Variants in MYO1B observed in about 807,000 individuals in gnomAD.
The protein encoded by MYO1B is myosin IB, also known as unconventional myosin-Ib.
A neutral mutation model predicts 159.7 loss-of-function variants in MYO1B; 72 were observed. That is an observed-to-expected ratio of 0.45 (90% CI 0.37 to 0.55). The LOEUF (loss-of-function observed/expected upper bound fraction) is 0.55, where lower values mean the gene tolerates loss of function less well. Among genes scored for constraint, MYO1B ranks in the 20% least tolerant of loss-of-function variants. The pLI is 0.00. For missense variants in MYO1B, 1,062 were observed against 1,364.8 expected (o/e 0.78, Z 3.50); for synonymous variants, 468 against 473.8 (o/e 0.99, Z 0.16).
At chr2:191,287,780 C>A (rs1688465977) in intron 2 of MYO1B, among the ~76,000 whole-genome samples, 1 of 152,142 alleles carries the variant, frequency 6.6e-6, no homozygotes. Flanking sequence ...TCATCCCCCA[C>A]TGACTTTTCA....
intron 13 of MYO1B, chr2:191,377,620 C>T (rs1308910579): frequency 6.6e-6 from 1 of 152,020 alleles, no homozygotes; most frequent in Non-Finnish European, 1.5e-5. Flanking sequence ...GGAGAGGGGG[C>T]CCAAGTTGAA....
chr2:191,390,510 C>T lies in MYO1B; in HGVS notation c.1982+18C>T. 3 of 1,605,038 alleles carry T rather than the reference C, an allele frequency of 1.9e-6. No individual in the cohort carries two copies. The highest frequency in any genetic ancestry group is 1.7e-4 in the Middle Eastern group (1 of 6,028). On this transcript the variant is annotated intron_variant, in intron 18 of 30. Coordinates refer to ENST00000392318, the MANE Select transcript of MYO1B (RefSeq NM_001130158.3). ...CCAGCCAGGTAAGAAATTCAGTGACCATATTTAATAATGAATGTTTTAAGT... is the reference window on the plus strand; with the variant it reads ...CCAGCCAGGTAAGAAATTCAGTGACTATATTTAATAATGAATGTTTTAAGT...
chr2:191,296,124 G>C lies in MYO1B; in HGVS notation c.149G>C (p.Ser50Thr). ...DHSEIYTYIG[S>T]VVISVNPYRS... is the part of the protein sequence containing the mutation. ...TTTCTTTTGCAGACATACATTGGAA[G>C]TGTGGTTATATCTGTTAACCCATAC... The change falls in exon 3 of 31, where the codon AGT becomes ACT. Residue 50 changes from serine (S) to threonine (T), a missense_variant. Ser to Thr is a moderately conservative substitution (Grantham distance 58). This residue lies in a region of MYO1B where 415 missense variants were observed against 544.0 expected (regional missense o/e 0.76). Coordinates refer to ENST00000392318, the MANE Select transcript of MYO1B (RefSeq NM_001130158.3). The C allele has an allele frequency of 1.3e-6, 2 of 1,586,310 alleles. No homozygotes were observed. The highest frequency in any genetic ancestry group is 1.7e-6 in the Non-Finnish European group (2 of 1,161,750).
intron 30 of MYO1B, among the ~76,000 whole-genome samples, chr2:191,419,610 A>G (rs1697813139): frequency 6.6e-6 from 1 of 152,116 alleles, no homozygotes; most frequent in African/African-American, 2.4e-5. Flanking sequence ...TTAAGGGGGT[A>G]TTTCAGAAGG....
intron 21 of MYO1B, among the ~76,000 whole-genome samples, chr2:191,397,128 CTTTTTTTTTTTTTTT>C (rs796198342): frequency 2.4e-3 from 78 of 32,278 alleles, no homozygotes; most frequent in Middle Eastern, 0.019. Flanking sequence ...AAGATGATTT[CTTTTTTTTTTTTTTT>C]TTTTTTTTTT....
chr2:191,321,886 G>T (rs1018996831), intron 3 of MYO1B, among the ~76,000 whole-genome samples: 5 of 152,056 alleles, frequency 3.3e-5, no homozygotes, highest in Admixed American at 2.6e-4. Flanking sequence ...CATCCTCAGA[G>T]CCCTCACAGT....
At chr2:191,414,285 A>C in intron 28 of MYO1B, 105 bp downstream of exon 28, 1 of 1,391,854 alleles carries the variant, frequency 7.2e-7, no homozygotes, top group South Asian at 1.5e-5. Flanking sequence ...CAGTAGAGTT[A>C]ACTATGAAGG....
chr2:191,417,368 A>G (rs1697641950), intron 30 of MYO1B, among the ~76,000 whole-genome samples: 1 of 152,196 alleles, frequency 6.6e-6, no homozygotes, highest in Non-Finnish European at 1.5e-5. Context: ...AGAAATTAGG[A>G]AAAAAATAAT....
chr2:191,335,429 A>G (rs2125931925), intron 4 of MYO1B, among the ~76,000 whole-genome samples: 1 of 152,330 alleles, frequency 6.6e-6, no homozygotes, highest in East Asian at 1.9e-4. Flanking sequence ...TCTCTGTTTT[A>G]TGGAGATTAC....
Position 191,263,299 on chromosome 2 carries a change from C to T in MYO1B, c.-9-13588C>T, listed in dbSNP as rs1005212723. 4 of 984,486 alleles carry T rather than the reference C, an allele frequency of 4.1e-6. No homozygotes were observed. The Middle Eastern group carries it at 1.6e-3, about 387-fold the overall frequency. The allele number at this position is 984,486 out of a possible 1,614,324, so 61.0% of individuals were successfully genotyped here. On this transcript the variant is annotated intron_variant, in intron 1 of 30. Coordinates refer to ENST00000392318, the MANE Select transcript of MYO1B (RefSeq NM_001130158.3). The stretch of plus-strand genomic sequence containing the variant: ...GTTGTACTTAGTGTGTTCTCCCTGT[C>T]ACAACGAATGTTTGTCTCTCTCTTT...
intron 3 of MYO1B, among the ~76,000 whole-genome samples, chr2:191,324,083 T>TTG (rs1169240644): frequency 6.6e-6 from 1 of 152,150 alleles, no homozygotes; most frequent in African/African-American, 2.4e-5. Context: ...TAAGTTGTTG[T>TTG]TGTATGGTAT....
intron 3 of MYO1B, among the ~76,000 whole-genome samples, chr2:191,311,954 T>A (rs1690025948): frequency 6.6e-6 from 1 of 152,244 alleles, no homozygotes; most frequent in Non-Finnish European, 1.5e-5. Context: ...CTCCTTTCCG[T>A]AACTTAACAT....
At chr2:191,398,993 C>G (rs1179204583) in intron 21 of MYO1B, among the ~76,000 whole-genome samples, 2 of 152,212 alleles carry the variant, frequency 1.3e-5, no homozygotes, top group African/African-American at 2.4e-5. Context: ...ACTGAGTGAA[C>G]GAGACTCCGT....
intron 1 of MYO1B, chr2:191,263,325 C>G (rs1574288385): frequency 1.0e-6 from 1 of 985,088 alleles, no homozygotes; most frequent in Non-Finnish European, 1.2e-6. Context: ...CTCTCTCTTT[C>G]ATATGAACTG....
intron 14 of MYO1B, among the ~76,000 whole-genome samples, chr2:191,381,956 G>A (rs576957327): frequency 6.6e-6 from 1 of 152,256 alleles, no homozygotes; most frequent in South Asian, 2.1e-4. Flanking sequence ...CAAATTTATA[G>A]TAAAAATAGG....
intron 21 of MYO1B, among the ~76,000 whole-genome samples, chr2:191,399,878 G>T (rs905068442): frequency 2.0e-5 from 3 of 152,222 alleles, no homozygotes; most frequent in Non-Finnish European, 2.9e-5. Flanking sequence ...TTGAAACCAG[G>T]TGTCCTCCTG....
intron 2 of MYO1B, among the ~76,000 whole-genome samples, chr2:191,278,304 A>G (rs1687864747): frequency 6.6e-6 from 1 of 152,250 alleles, no homozygotes. Flanking sequence ...TAAGGGCACT[A>G]ATCCCATTCA....
intron 21 of MYO1B, among the ~76,000 whole-genome samples, chr2:191,398,432 C>A (rs1381533684): frequency 6.9e-6 from 1 of 145,174 alleles, no homozygotes; most frequent in African/African-American, 2.5e-5. Context: ...GACCCCCCCC[C>A]ACCTCCCTCC....
chr2:191,406,341 T>G (rs1477181068), intron 24 of MYO1B, among the ~76,000 whole-genome samples: 1 of 152,234 alleles, frequency 6.6e-6, no homozygotes, highest in Non-Finnish European at 1.5e-5. Context: ...ACTTTTAATT[T>G]CCTTCAAGAA....
Sources: gnomAD v4.1 joint callset for allele counts (sites outside exome capture counted in the v4.1 genomes callset) on GRCh38, gnomAD v4.1.1 for gene constraint, gnomAD v4.1.1 regional missense constraint, MANE v1.5 for transcripts, NCBI Gene and HGNC (gene_info 2026-07-23, HGNC 2026-07-21) for gene names.